Variants in IL15 observed in about 807,000 individuals in gnomAD.
The protein encoded by IL15 is interleukin 15.
Under a neutral mutation model 19.6 loss-of-function variants are expected in IL15, and 11 were observed. The observed-to-expected ratio is 0.56, with a 90% CI of 0.35 to 0.93. The LOEUF is 0.93. IL15 is among the 40% of genes least tolerant of loss of function. The probability of loss-of-function intolerance (pLI) is 0.01; values close to 1 mark genes in which losing one functional copy is unlikely to be tolerated. For synonymous variants in IL15, 58 were observed against 59.6 expected (o/e 0.97, Z 0.12); for missense variants, 197 against 186.5 (o/e 1.06, Z -0.33).
At chr4:141,727,812 A>C in intron 5 of IL15, 128 bp from the exon 6 acceptor site, 1 of 620,490 alleles carries the variant, frequency 1.6e-6, no homozygotes, top group Admixed American at 3.3e-5. Context: ...TTACAGTTTC[A>C]TATGAATTTT....
chr4:141,679,928 A>C (rs1305298592), intron 2 of IL15, among the ~76,000 whole-genome samples: 2 of 152,236 alleles, frequency 1.3e-5, no homozygotes, highest in Non-Finnish European at 2.9e-5. Context: ...GGAGGACATT[A>C]TGAGCAACAT....
chr4:141,676,841 A>G (rs1293651876), intron 2 of IL15, among the ~76,000 whole-genome samples: 2 of 152,216 alleles, frequency 1.3e-5, no homozygotes, highest in Non-Finnish European at 2.9e-5. Context: ...AAGAGCTAAT[A>G]GAAACCACAC....
intron 2 of IL15, among the ~76,000 whole-genome samples, chr4:141,670,421 A>G (rs898287333): frequency 6.6e-6 from 1 of 152,196 alleles, no homozygotes; most frequent in South Asian, 2.1e-4. Context: ...TTAAATAAAA[A>G]CAATATGAGT....
At chr4:141,689,024 CA>C (rs1462465703) in intron 2 of IL15, 1 of 153,794 alleles carries the variant, frequency 6.5e-6, no homozygotes, top group Non-Finnish European at 1.4e-5. Context: ...AGTGAAGCTA[CA>C]GACCTTCGCG....
At chr4:141,687,374 A>G (rs1728743840) in intron 2 of IL15, among the ~76,000 whole-genome samples, 1 of 152,220 alleles carries the variant, frequency 6.6e-6, no homozygotes, top group African/African-American at 2.4e-5. Context: ...TTAGGTTGTC[A>G]TTGAAGTGTA....
At chr4:141,664,189 A>G (rs549467136) in intron 2 of IL15, among the ~76,000 whole-genome samples, 1 of 152,310 alleles carries the variant, frequency 6.6e-6, no homozygotes, top group South Asian at 2.1e-4. Flanking sequence ...AGACCTAAGC[A>G]GGTGGAAGTA....
At chr4:141,707,603 C>G (rs528801092) in intron 2 of IL15, among the ~76,000 whole-genome samples, 1 of 152,258 alleles carries the variant, frequency 6.6e-6, no homozygotes, top group South Asian at 2.1e-4. Flanking sequence ...TGGTGAATGG[C>G]TTTGATTCTG....
chr4:141,732,757 GC>G lies in IL15; in HGVS notation c.399del (p.Cys133Ter). The G allele has an allele frequency of 6.2e-7, 1 of 1,611,750 alleles. No homozygotes were observed. Among genetic ancestry groups the G allele is most frequent in the Admixed American group, 1.7e-5 (1 of 59,606 alleles). On this transcript the variant is annotated frameshift_variant, in exon 8 of 8. Coordinates refer to ENST00000320650, the MANE Select transcript of IL15 (RefSeq NM_000585.5). LOFTEE classifies it high-confidence loss of function. ...TTGCAGAATGTAACAGAATCTGGATGCAAAGAATGTGAGGAACTGGAGGAAA... is the reference window on the plus strand; with the variant it reads ...TTGCAGAATGTAACAGAATCTGGATGAAAGAATGTGAGGAACTGGAGGAAA... The part of the protein sequence containing the change: ...SSNGNVTESG[C>X]KECEELEEKN...
At chr4:141,695,177 CT>C (rs1401140605) in intron 2 of IL15, among the ~76,000 whole-genome samples, 4 of 151,890 alleles carry the variant, frequency 2.6e-5, no homozygotes, top group African/African-American at 9.7e-5. Flanking sequence ...GCAGCCACCC[CT>C]ATCTAATTTT....
intron 5 of IL15, among the ~76,000 whole-genome samples, chr4:141,724,940 A>AT (rs1730210715): frequency 1.3e-5 from 2 of 152,170 alleles, no homozygotes; most frequent in Non-Finnish European, 2.9e-5. Context: ...TTTCCAGTTG[A>AT]TTTTAGGAGG....
At chr4:141,726,067 C>G (rs1482706467) in intron 5 of IL15, among the ~76,000 whole-genome samples, 3 of 152,070 alleles carry the variant, frequency 2.0e-5, no homozygotes, top group Non-Finnish European at 4.4e-5. Context: ...TACTCTAATC[C>G]ATTCATGAGG....
At chr4:141,686,611 G>T (rs193198743) in intron 2 of IL15, among the ~76,000 whole-genome samples, 3 of 152,290 alleles carry the variant, frequency 2.0e-5, no homozygotes, top group Admixed American at 2.0e-4. Flanking sequence ...GTCAAATTTA[G>T]TGCTTGGCAA....
chr4:141,667,333 CTG>C (rs1347695745), intron 2 of IL15, among the ~76,000 whole-genome samples: 1 of 152,154 alleles, frequency 6.6e-6, no homozygotes, highest in East Asian at 1.9e-4. Flanking sequence ...CTTGTGGGAA[CTG>C]AGCCTCCAAC....
intron 2 of IL15, among the ~76,000 whole-genome samples, chr4:141,706,471 A>G (rs1207391211): frequency 6.6e-6 from 1 of 152,126 alleles, no homozygotes; most frequent in Non-Finnish European, 1.5e-5. Flanking sequence ...TTACAGCGCT[A>G]GGATATTCTG....
At chr4:141,704,495 C>T (rs1729444038) in intron 2 of IL15, 1 of 219,606 alleles carries the variant, frequency 4.6e-6, no homozygotes, top group Admixed American at 5.1e-5. Flanking sequence ...CAATATTGAC[C>T]TATAGTTTTA....
chr4:141,666,312 CG>C (rs373783607), intron 2 of IL15, among the ~76,000 whole-genome samples: 17 of 151,848 alleles, frequency 1.1e-4, no homozygotes, highest in African/African-American at 4.1e-4. Context: ...AAAGCCGAGG[CG>C]GTCGGATCAC....
intron 2 of IL15, among the ~76,000 whole-genome samples, chr4:141,713,411 A>C (rs1346391942): frequency 6.6e-6 from 1 of 152,180 alleles, no homozygotes; most frequent in East Asian, 1.9e-4. Flanking sequence ...ATTGGAACAC[A>C]GCCATACCCA....
chr4:141,707,935 G>A (rs1319358876), intron 2 of IL15, among the ~76,000 whole-genome samples: 1 of 152,180 alleles, frequency 6.6e-6, no homozygotes, highest in East Asian at 1.9e-4. Context: ...CAAACTAGAT[G>A]AGCACAGCAA....
At chr4:141,670,253 AT>A (rs1467917047) in intron 2 of IL15, among the ~76,000 whole-genome samples, 1 of 152,148 alleles carries the variant, frequency 6.6e-6, no homozygotes, top group Non-Finnish European at 1.5e-5. Context: ...TCTTTAGTTT[AT>A]GAGAGTATCA....
Sources: allele counts gnomAD v4.1 joint callset (sites outside exome capture counted in the v4.1 genomes callset), GRCh38; gene constraint gnomAD v4.1.1; transcripts MANE v1.5; gene names NCBI Gene and HGNC (gene_info 2026-07-23, HGNC 2026-07-21).